Variants in CAMTA1 observed in about 807,000 individuals in gnomAD.
CAMTA1 encodes calmodulin-binding transcription activator 1.
In CAMTA1, 27 loss-of-function variants were observed where a neutral mutation model predicts 170.9. The observed-to-expected ratio is 0.16, with a 90% CI of 0.12 to 0.22. The LOEUF (loss-of-function observed/expected upper bound fraction) is 0.22, where lower values mean the gene tolerates loss of function less well. Among genes scored for constraint, CAMTA1 ranks in the 10% least tolerant of loss-of-function variants. The probability of loss-of-function intolerance (pLI) is 1.00; values close to 1 mark genes in which losing one functional copy is unlikely to be tolerated. For synonymous variants in CAMTA1, 833 were observed against 891.5 expected, an observed-to-expected ratio of 0.93 and a Z score of 1.17; for missense variants, 1,619 against 2,217.2, an observed-to-expected ratio of 0.73 and a Z score of 5.42.
intron 1 of CAMTA1, among the ~76,000 whole-genome samples, chr1:6,815,699 A>G (rs903794870): frequency 6.6e-6 from 1 of 152,118 alleles, no homozygotes; most frequent in African/African-American, 2.4e-5. Flanking sequence ...TCTTTTATAG[A>G]TCATTTATCT....
chr1:6,875,228 G>A (rs771160617), intron 3 of CAMTA1, among the ~76,000 whole-genome samples: 15 of 152,170 alleles, frequency 9.9e-5, no homozygotes, highest in Non-Finnish European at 1.2e-4. Flanking sequence ...CTAGGAAACG[G>A]TTTTGCCCTT....
At chr1:6,989,698 A>T (rs1695998794) in intron 3 of CAMTA1, among the ~76,000 whole-genome samples, 1 of 152,166 alleles carries the variant, frequency 6.6e-6, no homozygotes, top group African/African-American at 2.4e-5. Context: ...GAATGCTGGC[A>T]TGGGGGTGCT....
At chr1:7,021,352 A>G (rs6577405) in intron 3 of CAMTA1, among the ~76,000 whole-genome samples, 152,263 of 152,324 alleles carry the variant, frequency 1, 76,101 homozygotes, top group Middle Eastern at 1. Flanking sequence ...GGGTGCCTCC[A>G]CCAGCCCCGG....
chr1:7,242,755 C>T (rs1250408075), intron 4 of CAMTA1, among the ~76,000 whole-genome samples: 3 of 147,262 alleles, frequency 2.0e-5, no homozygotes, highest in South Asian at 2.1e-4. Context: ...AGTGAAACCC[C>T]GTCTCTACTG....
In CAMTA1 at chr1:7,660,256, C is replaced by T. The variant is rs183030947; in HGVS notation, c.665-1470C>T. On this transcript the variant is annotated intron_variant, in intron 7 of 22. Transcript: ENST00000303635. ...GCTAATTTTGTATTTTTGGTAGAGA[C>T]GGGTTTCACCATGTTGGTCAGGCTG... 4.8e-3 allele frequency among the ~76,000 whole-genome samples: 730 copies of T among 152,260 alleles called. 8 individuals carry two copies. The highest frequency in any genetic ancestry group is 0.017 in the African/African-American group (698 of 41,564).
chr1:7,330,021 C>G (rs1449816645), intron 5 of CAMTA1, among the ~76,000 whole-genome samples: 1 of 152,208 alleles, frequency 6.6e-6, no homozygotes, highest in Non-Finnish European at 1.5e-5. Context: ...CCTCAGCCCT[C>G]TGCTTCTTTC....
chr1:6,906,597 T>A (rs559737831), intron 3 of CAMTA1, among the ~76,000 whole-genome samples: 1 of 152,262 alleles, frequency 6.6e-6, no homozygotes, highest in East Asian at 1.9e-4. Flanking sequence ...CTTTAATAAT[T>A]ATTGTTCAAG....
At chr1:7,739,956 C>T (rs2096799399) in intron 16 of CAMTA1, among the ~76,000 whole-genome samples, 1 of 151,214 alleles carries the variant, frequency 6.6e-6, no homozygotes, top group Non-Finnish European at 1.5e-5. Context: ...CTGCAGTTTC[C>T]CTACCACAAC....
At chr1:6,926,446 TTCTTTCTTTCTTTC>T (rs1683174760) in intron 3 of CAMTA1, among the ~76,000 whole-genome samples, 1 of 55,746 alleles carries the variant, frequency 1.8e-5, no homozygotes, top group Non-Finnish European at 3.5e-5. Flanking sequence ...TTCTCTTTCT[TTCTTTCTTTCTTTC>T]TTTCTTTCTT....
intron 11 of CAMTA1, among the ~76,000 whole-genome samples, chr1:7,722,432 G>A (rs1464368920): frequency 6.6e-6 from 1 of 151,688 alleles, no homozygotes; most frequent in African/African-American, 2.4e-5. Flanking sequence ...AAAAGAAAAG[G>A]GAATCTGAAG....
intron 4 of CAMTA1, among the ~76,000 whole-genome samples, chr1:7,162,462 C>T (rs972460410): frequency 6.6e-6 from 1 of 152,122 alleles, no homozygotes; most frequent in Non-Finnish European, 1.5e-5. Context: ...CTCCCTTTTC[C>T]CCCCAGCCCC....
intron 4 of CAMTA1, among the ~76,000 whole-genome samples, chr1:7,209,768 G>A (rs1159720305): frequency 6.6e-6 from 1 of 152,120 alleles, no homozygotes; most frequent in African/African-American, 2.4e-5. Flanking sequence ...CCCCATTTTG[G>A]ACCAGGAAAG....
At chr1:6,854,691 C>A (rs1467644981) in intron 3 of CAMTA1, among the ~76,000 whole-genome samples, 2 of 152,112 alleles carry the variant, frequency 1.3e-5, no homozygotes, top group East Asian at 1.9e-4. Flanking sequence ...ATCATACTTA[C>A]AAAGACAGGT....
chr1:7,407,277 G>C (rs1028038627), intron 5 of CAMTA1, among the ~76,000 whole-genome samples: 1 of 152,248 alleles, frequency 6.6e-6, no homozygotes, highest in African/African-American at 2.4e-5. Flanking sequence ...GGTAGTAACT[G>C]CAGGGGAAGA....
At chr1:7,470,862 G>A (rs544311332) in intron 6 of CAMTA1, among the ~76,000 whole-genome samples, 12 of 152,266 alleles carry the variant, frequency 7.9e-5, no homozygotes, top group African/African-American at 2.2e-4. Flanking sequence ...TAGTGGGCAC[G>A]TCTGCCTATG....
intron 5 of CAMTA1, among the ~76,000 whole-genome samples, chr1:7,263,801 C>A (rs1010498039): frequency 6.6e-6 from 1 of 152,188 alleles, no homozygotes; most frequent in Middle Eastern, 3.2e-3. Flanking sequence ...GGCTAGCAAG[C>A]ATGATCGAAG....
chr1:7,492,894 T>C (rs949500283), intron 6 of CAMTA1, among the ~76,000 whole-genome samples: 1 of 133,842 alleles, frequency 7.5e-6, no homozygotes, highest in Non-Finnish European at 1.6e-5. Context: ...AACACAAACC[T>C]ACATACACAC....
At chr1:6,931,053 G>A (rs573874641) in intron 3 of CAMTA1, among the ~76,000 whole-genome samples, 4 of 152,258 alleles carry the variant, frequency 2.6e-5, no homozygotes, top group East Asian at 1.9e-4. Flanking sequence ...TAGATGCCTC[G>A]GTCTGGTTAG....
intron 1 of CAMTA1, among the ~76,000 whole-genome samples, chr1:6,807,714 C>G (rs1318954712): frequency 7.4e-6 from 1 of 135,586 alleles, no homozygotes; most frequent in Non-Finnish European, 1.6e-5. Flanking sequence ...AGCAAGACTT[C>G]ATCTCAAAAA....
Sources: allele counts gnomAD v4.1 joint callset (sites outside exome capture counted in the v4.1 genomes callset), GRCh38; gene constraint gnomAD v4.1.1; transcripts MANE v1.5; gene names NCBI Gene and HGNC (gene_info 2026-07-23, HGNC 2026-07-21).